Variants in PPP1R12C observed in about 807,000 individuals in gnomAD.
PPP1R12C encodes protein phosphatase 1 regulatory subunit 12C, also known as leukocyte receptor cluster (LRC) encoded novel gene 3.
Under a neutral mutation model 95.6 loss-of-function variants are expected in PPP1R12C, and 48 were observed. The ratio of observed to expected loss-of-function variants is 0.50; its 90% CI spans 0.40 to 0.64. PPP1R12C has a LOEUF of 0.64. PPP1R12C is among the 30% of genes least tolerant of loss of function. PPP1R12C has a pLI of 0.00. For synonymous variants in PPP1R12C, 480 were observed against 460.8 expected, an observed-to-expected ratio of 1.04 and a Z score of -0.53; for missense variants, 1,057 against 1,083.3, an observed-to-expected ratio of 0.98 and a Z score of 0.34.
At chr19:55,108,214 C>A (rs1470286563) in intron 3 of PPP1R12C, among the ~76,000 whole-genome samples, 1 of 152,000 alleles carries the variant, frequency 6.6e-6, no homozygotes, top group Non-Finnish European at 1.5e-5. Flanking sequence ...GGATTACAGG[C>A]CTGAGCCACC....
intron 3 of PPP1R12C, among the ~76,000 whole-genome samples, chr19:55,110,962 G>A (rs1030307973): frequency 1.3e-5 from 2 of 151,932 alleles, no homozygotes; most frequent in Non-Finnish European, 2.9e-5. Context: ...GAGGAGAAAG[G>A]ATAGGAAAAA....
chr19:55,091,639 AC>A lies in PPP1R12C; in HGVS notation c.2262+10del. On this transcript the variant is annotated intron_variant, in intron 21 of 21. Transcript: ENST00000263433. ...CCTCGGCCCTCTGCCCACAGCCCCC[AC>A]AGCCCCCACCTTCAGCTCCTCCTCC... 1 of 830,918 alleles carries A rather than the reference AC, an allele frequency of 1.2e-6. No individual in the cohort carries two copies. The highest frequency in any genetic ancestry group is 1.8e-6 in the Non-Finnish European group (1 of 556,370). 51.5% of individuals were successfully genotyped at this position (830,918 alleles called of 1,614,324 possible).
At chr19:55,107,302 T>A (rs2085048715) in intron 3 of PPP1R12C, among the ~76,000 whole-genome samples, 1 of 152,056 alleles carries the variant, frequency 6.6e-6, no homozygotes, top group Non-Finnish European at 1.5e-5. Context: ...TAATCCCACT[T>A]ACTTGGAAGG....
intron 16 of PPP1R12C, 37 bp downstream of exon 16, chr19:55,092,746 C>A (rs2084860947): frequency 3.9e-6 from 6 of 1,538,792 alleles, no homozygotes; most frequent in Non-Finnish European, 5.3e-6. Context: ...CCCCGGCCCA[C>A]CCTCTGCACC....
rs776667928 is a variant in PPP1R12C, at chr19:55,093,145, C to T, written c.1764+8G>A. ...ACCACCCCACTCGCCCTCGCTGACC[C>T]CTCTCACCAGGCTCTGCGCCGGCTT... On this transcript the variant is annotated splice_region_variant and intron_variant, in intron 14 of 21. Coordinates refer to ENST00000263433, the MANE Select transcript of PPP1R12C (RefSeq NM_017607.4). The T allele has an allele frequency of 1.9e-6, 3 of 1,613,686 alleles. No individual in the cohort carries two copies. Among genetic ancestry groups the T allele is most frequent in the South Asian group, 1.1e-5 (1 of 91,088 alleles).
At chr19:55,098,634 T>C (rs2084948163) in intron 6 of PPP1R12C, 150 bp downstream of exon 6, 2 of 939,716 alleles carry the variant, frequency 2.1e-6, no homozygotes, top group African/African-American at 3.3e-5. Context: ...CTCCTGAGGC[T>C]GGGGCTGGGG....
intron 4 of PPP1R12C, among the ~76,000 whole-genome samples, chr19:55,101,099 T>C (rs1331481647): frequency 6.6e-6 from 1 of 151,950 alleles, no homozygotes; most frequent in Non-Finnish European, 1.5e-5. Flanking sequence ...AACACAAAAA[T>C]TAGCCGGGCA....
At position 55,117,417 on chromosome 19, in the gene PPP1R12C, G is replaced by T; in HGVS notation, c.127C>A (p.Arg43Ser). Reference sequence around the variant, plus strand: ...CGCTCGAAGCGGACGGTGCGGGCGCGGCGCTCTCCGGGGCCAGGCTCGGCG... The same window carrying T: ...CGCTCGAAGCGGACGGTGCGGGCGCTGCGCTCTCCGGGGCCAGGCTCGGCG... The part of the protein sequence containing the change: ...AGAEPGPGER[R>S]ARTVRFERAA... Residue 43 changes from arginine (R) to serine (S), a missense_variant, in exon 1 of 22, where the codon CGC (arginine) becomes AGC (serine). Arg to Ser is a moderately radical substitution (Grantham distance 110, BLOSUM62 -1). Around this residue, in one of 5 missense-constraint regions of PPP1R12C, gnomAD observed 70 missense variants for 47.8 expected, o/e 1.46. Transcript: ENST00000263433. 1 of 1,013,988 alleles carries T rather than the reference G, an allele frequency of 9.9e-7. No homozygotes were observed. Among genetic ancestry groups the T allele is most frequent in the Non-Finnish European group, 1.2e-6 (1 of 850,780 alleles). The allele number at this position is 1,013,988 out of a possible 1,614,324, so 62.8% of individuals were successfully genotyped here. A position where few individuals can be genotyped will look rare whatever the true frequency, so the allele number is the denominator to read the frequency against.
rs373537158 is a variant in PPP1R12C, at chr19:55,091,475, C to T, written c.2346G>A (p.Lys782=). The part of the protein sequence containing the change: ...ALIRVISKLS[K] ...GGTGCGGGAAAGTCCCTCCGGGTCACTTGGAGAGTTTGCTGATGACGCGGA... is the reference window on the plus strand; with the variant it reads ...GGTGCGGGAAAGTCCCTCCGGGTCATTTGGAGAGTTTGCTGATGACGCGGA... Residue 782 remains lysine, a synonymous_variant, in exon 22 of 22, where the codon AAG becomes AAA. Coordinates refer to ENST00000263433, the MANE Select transcript of PPP1R12C (RefSeq NM_017607.4). 38 of 1,613,830 alleles carry T rather than the reference C, an allele frequency of 2.4e-5. No homozygotes were observed. In the African/African-American group the frequency reaches 4.7e-4, roughly 20 times the overall value.
intron 3 of PPP1R12C, among the ~76,000 whole-genome samples, chr19:55,107,152 G>A (rs986550160): frequency 2.6e-5 from 4 of 151,906 alleles, no homozygotes; most frequent in Admixed American, 6.6e-5. Flanking sequence ...GGTGACTCAC[G>A]CCTGTAATCC....
chr19:55,106,470 C>T (rs750902747), intron 3 of PPP1R12C, among the ~76,000 whole-genome samples: 6 of 152,212 alleles, frequency 3.9e-5, no homozygotes, highest in Non-Finnish European at 5.9e-5. Context: ...CCGTGTCCGC[C>T]CTTGTCAGCA....
chr19:55,096,148 C>T lies in PPP1R12C; in HGVS notation c.1056G>A (p.Glu352=), dbSNP rs2084909787. The stretch of plus-strand genomic sequence containing the variant: ...TGGACAAGTCCTGGAGGGAAATCTT[C>T]TCGCGACTGCTCAGACGACACACAG... ...RSSVCRLSSR[E]KISLQDLSKE... Residue 352 remains glutamate (E), a synonymous_variant, in exon 8 of 22, where the codon GAG becomes GAA. Transcript: ENST00000263433. The T allele has an allele frequency of 1.2e-6, 2 of 1,600,136 alleles. No individual in the cohort carries two copies. Among genetic ancestry groups the T allele is most frequent in the Non-Finnish European group, 1.7e-6 (2 of 1,172,892 alleles).
At chr19:55,099,736 G>A (rs1180304890) in intron 4 of PPP1R12C, among the ~76,000 whole-genome samples, 2 of 152,230 alleles carry the variant, frequency 1.3e-5, no homozygotes, top group Admixed American at 6.5e-5. Context: ...CGCCCAGGCT[G>A]AGAAACCCTC....
chr19:55,105,000 G>A (rs1422703296), intron 3 of PPP1R12C, among the ~76,000 whole-genome samples: 1 of 151,342 alleles, frequency 6.6e-6, no homozygotes, highest in African/African-American at 2.4e-5. Context: ...TTGAACTCCT[G>A]ACCTCATGAT....
intron 3 of PPP1R12C, chr19:55,111,657 A>C (rs1259890769): frequency 6.6e-6 from 1 of 152,080 alleles, no homozygotes; most frequent in African/African-American, 2.4e-5. Flanking sequence ...CCGCGTCAGA[A>C]GTCTCGGAGG....
intron 6 of PPP1R12C, 80 bp downstream of exon 6, chr19:55,098,704 G>T (rs1000883575): frequency 1.3e-6 from 2 of 1,551,486 alleles, no homozygotes; most frequent in Non-Finnish European, 1.8e-6. Context: ...AAGTCGGGGG[G>T]GTTCCCCCTC....
intron 3 of PPP1R12C, among the ~76,000 whole-genome samples, chr19:55,105,529 C>T (rs1347358104): frequency 6.6e-6 from 1 of 152,208 alleles, no homozygotes; most frequent in Non-Finnish European, 1.5e-5. Context: ...TAAAATTTAC[C>T]AACTTCCCTG....
chr19:55,091,529 C>A lies in PPP1R12C; in HGVS notation c.2292G>T (p.Gln764His), dbSNP rs2084839207. ...KALSDLRADN[Q>H]RLKDENAALI... ...ACGCTGCATTCTCATCCTTGAGGCG[C>A]TGGTTGTCAGCGCGGAGGTCAGACA... The change falls in exon 22 of 22, where the codon CAG becomes CAT. Residue 764 changes from glutamine to histidine, a missense_variant. Around this residue, in one of 5 missense-constraint regions of PPP1R12C, gnomAD observed 347 missense variants for 307.9 expected, o/e 1.13. Coordinates refer to ENST00000263433, the MANE Select transcript of PPP1R12C (RefSeq NM_017607.4). 1 of 1,613,988 alleles carries A rather than the reference C, an allele frequency of 6.2e-7. No individual in the cohort carries two copies. The highest frequency in any genetic ancestry group is 1.3e-5 in the African/African-American group (1 of 75,048).
intron 3 of PPP1R12C, among the ~76,000 whole-genome samples, chr19:55,107,980 G>A (rs1253926095): frequency 7.0e-6 from 1 of 142,110 alleles, no homozygotes; most frequent in African/African-American, 2.7e-5. Context: ...CTGTTGCCCA[G>A]GCTGGAGTGC....
Sources: gnomAD v4.1 joint callset for allele counts (sites outside exome capture counted in the v4.1 genomes callset) on GRCh38, gnomAD v4.1.1 for gene constraint, gnomAD v4.1.1 regional missense constraint, MANE v1.5 for transcripts, NCBI Gene and HGNC (gene_info 2026-07-23, HGNC 2026-07-21) for gene names.